ZCWPW2: variants seen among roughly 807,000 people sequenced by gnomAD.
ZCWPW2 encodes zinc finger CW-type and PWWP domain containing 2.
In ZCWPW2, 45 loss-of-function variants were observed where a neutral mutation model predicts 46.6. That is an observed-to-expected ratio of 0.96 (90% confidence interval 0.76 to 1.24). The LOEUF is 1.24. Among genes scored for constraint, ZCWPW2 ranks in the 50% most tolerant of loss-of-function variants. The pLI is 0.00. For missense variants in ZCWPW2, 429 were observed against 403.9 expected, an observed-to-expected ratio of 1.06 and a Z score of -0.53; for synonymous variants, 152 against 137.1, an observed-to-expected ratio of 1.11 and a Z score of -0.76.
chr3:28,524,637 G>T lies in ZCWPW2; in HGVS notation c.1020G>T (p.Glu340Asp). The T allele has an allele frequency of 6.3e-7, 1 of 1,591,274 alleles. No homozygotes were observed. The highest frequency in any genetic ancestry group is 8.6e-7 in the Non-Finnish European group (1 of 1,168,530). ...GIKLKAGECI[E>D]DITNKFKEID... ...AATTAAAAGCTGGAGAATGTATTGA[G>T]GATATAACTAATAAATTTAAAGAAA... is the stretch of plus-strand genomic sequence containing the variant. Residue 340 changes from glutamate to aspartate, a missense_variant, in exon 10 of 10, where the codon GAG (glutamate) becomes GAT (aspartate). Glu to Asp is a conservative substitution (Grantham distance 45). Coordinates refer to ENST00000383768, the MANE Select transcript of ZCWPW2 (RefSeq NM_001040432.4).
chr3:28,512,069 GA>G (rs1389596150), intron 6 of ZCWPW2, among the ~76,000 whole-genome samples: 1 of 152,024 alleles, frequency 6.6e-6, no homozygotes, highest in Non-Finnish European at 1.5e-5. Context: ...TTGTTTAATT[GA>G]AGATATGTTC....
intron 1 of ZCWPW2, among the ~76,000 whole-genome samples, chr3:28,362,659 G>GACAC (rs1704985066): frequency 6.6e-6 from 1 of 152,124 alleles, no homozygotes; most frequent in Non-Finnish European, 1.5e-5. Flanking sequence ...GTGGAAAGTA[G>GACAC]TGTGGCAGTT....
rs544448222 is a variant in ZCWPW2 at position 28,453,568 on chromosome 3, GA to G, written c.492+18307del. Among the ~76,000 whole-genome samples the G allele has an allele frequency of 2.6e-3, 392 of 151,454 alleles. 1 individual carries two copies. The highest frequency in any genetic ancestry group is 8.6e-3 in the African/African-American group (355 of 41,386). On this transcript the variant is annotated intron_variant, in intron 4 of 9. Transcript: ENST00000383768. ...CTAAAAGTGCTTATTTTCTGTTAAAGAAAAAAAACATGAATCAGGTCATTGT... is the reference window on the plus strand; with the variant it reads ...CTAAAAGTGCTTATTTTCTGTTAAAGAAAAAAACATGAATCAGGTCATTGT...
At chr3:28,370,195 A>T (rs1408060063) in intron 1 of ZCWPW2, among the ~76,000 whole-genome samples, 1 of 152,140 alleles carries the variant, frequency 6.6e-6, no homozygotes. Context: ...CCCCAGTGAG[A>T]TGAACCTGGT....
intron 6 of ZCWPW2, among the ~76,000 whole-genome samples, chr3:28,510,441 T>C (rs1319549187): frequency 6.6e-6 from 1 of 152,234 alleles, no homozygotes; most frequent in Non-Finnish European, 1.5e-5. Context: ...AATCCTCTTT[T>C]TCTTTACTCC....
At chr3:28,428,556 G>A (rs556368035) in intron 3 of ZCWPW2, 2 of 152,086 alleles carry the variant, frequency 1.3e-5, no homozygotes, top group Non-Finnish European at 2.9e-5. Context: ...CTAATACCAG[G>A]CATGAAATAT....
chr3:28,423,193 A>G (rs1177244648), intron 3 of ZCWPW2, among the ~76,000 whole-genome samples: 2 of 151,470 alleles, frequency 1.3e-5, no homozygotes, highest in African/African-American at 2.4e-5. Context: ...CAGAGCAGGT[A>G]TTTTTTTATT....
chr3:28,480,888 C>T (rs1417126734), intron 5 of ZCWPW2, among the ~76,000 whole-genome samples: 1 of 123,274 alleles, frequency 8.1e-6, no homozygotes, highest in East Asian at 2.3e-4. Context: ...TTTTTTGAGA[C>T]AGAGTCTTGC....
In ZCWPW2 at chr3:28,420,457, C is replaced by G. The variant is rs141580357; in HGVS notation, c.332+7057C>G. ...TTTTTCCTGATCCTCTCCCTCCTCC[C>G]ACCTTCCACCCTCTAGTAGGCCCTG... On this transcript the variant is annotated intron_variant, in intron 3 of 9. Transcript: ENST00000383768. 2.5e-3 allele frequency among the ~76,000 whole-genome samples: 386 copies of G among 152,132 alleles called. 1 individual carries two copies. Among genetic ancestry groups the G allele is most frequent in the African/African-American group, 8.4e-3 (350 of 41,498 alleles).
chr3:28,521,989 C>A (rs1265441344), intron 9 of ZCWPW2, among the ~76,000 whole-genome samples: 1 of 152,120 alleles, frequency 6.6e-6, no homozygotes, highest in East Asian at 1.9e-4. Context: ...TATCACTTAC[C>A]TCAGAGGATT....
chr3:28,453,831 ATT>A (rs1380236606), intron 4 of ZCWPW2, among the ~76,000 whole-genome samples: 108 of 142,040 alleles, frequency 7.6e-4, no homozygotes, highest in African/African-American at 2.8e-3. Context: ...TTATTTATTT[ATT>A]TTTATTTTTT....
Position 28,478,871 on chromosome 3 carries a change from C to G in ZCWPW2, c.550C>G (p.Leu184Val), listed in dbSNP as rs755022518. 3.1e-6 allele frequency: 5 copies of G among 1,587,474 alleles called. No homozygotes were observed. Among genetic ancestry groups the G allele is most frequent in the Non-Finnish European group, 4.3e-6 (5 of 1,169,876 alleles). The change falls in exon 5 of 10, where the codon CTA becomes GTA. Residue 184 changes from leucine to valine, a missense_variant. Leu to Val is a conservative substitution (Grantham distance 32). Transcript: ENST00000383768. ...WYKSALQEAC[L>V]LYGYSHEQRL... ...TAAAAGTGCACTACAAGAAGCATGT[C>G]TACTCTATGGATATTCTCATGAGCA...
At chr3:28,435,346 A>G in intron 4 of ZCWPW2, 77 bp downstream of exon 4, 1 of 1,421,720 alleles carries the variant, frequency 7.0e-7, no homozygotes, top group Non-Finnish European at 9.4e-7. Flanking sequence ...TTGATCATAA[A>G]ATATGTATAA....
intron 2 of ZCWPW2, among the ~76,000 whole-genome samples, chr3:28,391,738 C>A (rs1021847220): frequency 2.6e-5 from 4 of 152,086 alleles, no homozygotes; most frequent in African/African-American, 7.2e-5. Flanking sequence ...CTGAGGTAAC[C>A]AATAACATTG....
intron 3 of ZCWPW2, among the ~76,000 whole-genome samples, chr3:28,420,832 A>T (rs1696748050): frequency 6.6e-6 from 1 of 151,450 alleles, no homozygotes; most frequent in Non-Finnish European, 1.5e-5. Context: ...ACTTTTTTTC[A>T]GTTCATTTTC....
chr3:28,440,885 C>A (rs1290295000), intron 4 of ZCWPW2, among the ~76,000 whole-genome samples: 1 of 152,138 alleles, frequency 6.6e-6, no homozygotes, highest in Non-Finnish European at 1.5e-5. Context: ...TGATAGAGGT[C>A]CAATATAATC....
intron 3 of ZCWPW2, among the ~76,000 whole-genome samples, chr3:28,419,990 G>T (rs1001061916): frequency 2.7e-5 from 4 of 146,464 alleles, no homozygotes; most frequent in African/African-American, 5.1e-5. Context: ...CGAGTTAATG[G>T]GTGCAGCACA....
rs1350376167 is a variant in ZCWPW2 at position 28,492,145 on chromosome 3, A to T, written c.629A>T (p.Asp210Val). 3 of 1,610,014 alleles carry T rather than the reference A, an allele frequency of 1.9e-6. No individual in the cohort carries two copies. The highest frequency in any genetic ancestry group is 2.5e-6 in the Non-Finnish European group (3 of 1,178,264). ...CTTACAGATAAATCCGAAACACATG[A>T]CAAAGTTGCTGCACTGGTCAAGAAA... ...SKLQDKSETH[D>V]KVAALVKKRK... The change falls in exon 6 of 10, where the codon GAC becomes GTC. Residue 210 changes from aspartate (D) to valine (V), a missense_variant. Transcript: ENST00000383768.
rs769623260 is a variant in ZCWPW2, at chr3:28,520,110, T to G, written c.785-882T>G. ...AGCTACGCCTCCCGGATTCACGCCA[T>G]TCTCCTGCCCCAGCCTCCGGAGTAG... On this transcript the variant is annotated intron_variant, in intron 8 of 9. Transcript: ENST00000383768. Among the ~76,000 whole-genome samples the G allele has an allele frequency of 1.6e-4, 25 of 151,630 alleles. 1 individual carries two copies. The highest frequency in any genetic ancestry group is 3.1e-4 in the Non-Finnish European group (21 of 67,898).
Sources: gnomAD v4.1 joint callset for allele counts (sites outside exome capture counted in the v4.1 genomes callset) on GRCh38, gnomAD v4.1.1 for gene constraint, MANE v1.5 for transcripts, NCBI Gene and HGNC (gene_info 2026-07-23, HGNC 2026-07-21) for gene names.